The following ARL13B variants were observed in gnomAD, a reference collection of about 807,000 sequenced individuals.
The protein encoded by ARL13B is ADP-ribosylation factor-like protein 13B.
ARL13B carries 36 observed loss-of-function variants against 56.1 expected under a neutral mutation model. The ratio of observed to expected loss-of-function variants is 0.64; its 90% confidence interval spans 0.49 to 0.85. The LOEUF is 0.85. ARL13B is among the 40% of genes least tolerant of loss of function. The probability of loss-of-function intolerance (pLI) is 0.00; values close to 1 mark genes in which losing one functional copy is unlikely to be tolerated. For missense variants in ARL13B, 519 were observed against 507.1 expected (o/e 1.02, Z -0.23); for synonymous variants, 178 against 171.1 (o/e 1.04, Z -0.32).
chr3:93,998,073 A>C (rs2075996132), intron 2 of ARL13B, among the ~76,000 whole-genome samples: 1 of 152,106 alleles, frequency 6.6e-6, no homozygotes, highest in African/African-American at 2.4e-5. Flanking sequence ...ATTTAATATA[A>C]TTTTCATGTG....
chr3:94,027,346 C>CT (rs913843392), intron 3 of ARL13B, among the ~76,000 whole-genome samples: 115 of 152,012 alleles, frequency 7.6e-4, no homozygotes, highest in African/African-American at 2.7e-3. Flanking sequence ...AAGTATCTGA[C>CT]TTTTTTTGCA....
At chr3:94,021,309 G>A (rs955732058) in intron 3 of ARL13B, among the ~76,000 whole-genome samples, 3 of 151,404 alleles carry the variant, frequency 2.0e-5, no homozygotes, top group African/African-American at 4.9e-5. Context: ...ATTCTCCTGC[G>A]TCAGCCTCCC....
chr3:94,029,344 T>TTA (rs1553842128), intron 3 of ARL13B, among the ~76,000 whole-genome samples: 2 of 102,562 alleles, frequency 2.0e-5, no homozygotes, highest in African/African-American at 9.8e-5. Context: ...ATTTATTTTT[T>TTA]TTTTATTTTT....
intron 7 of ARL13B, among the ~76,000 whole-genome samples, chr3:94,045,411 C>T (rs2076964302): frequency 6.7e-6 from 1 of 150,038 alleles, no homozygotes; most frequent in African/African-American, 2.5e-5. Context: ...CCACATCCCC[C>T]TCTCCGAGAA....
chr3:94,018,825 G>A (rs1444580044), intron 3 of ARL13B, among the ~76,000 whole-genome samples: 3 of 152,158 alleles, frequency 2.0e-5, no homozygotes, highest in African/African-American at 7.2e-5. Flanking sequence ...GAGTGCAGTG[G>A]TGTGGTCTCG....
chr3:94,053,009 C>G (rs1398424671), intron 9 of ARL13B, among the ~76,000 whole-genome samples, 178 bp from the exon 10 acceptor site: 2 of 152,098 alleles, frequency 1.3e-5, no homozygotes, highest in African/African-American at 4.8e-5. Flanking sequence ...GGTGCCATCT[C>G]TTAAGATTTA....
intron 3 of ARL13B, among the ~76,000 whole-genome samples, chr3:94,013,937 ACT>A (rs1342449559): frequency 6.6e-6 from 1 of 152,064 alleles, no homozygotes; most frequent in Non-Finnish European, 1.5e-5. Flanking sequence ...ACAGAGTGAA[ACT>A]CTGTCTCAAA....
intron 3 of ARL13B, among the ~76,000 whole-genome samples, chr3:94,020,396 G>A (rs1356546056): frequency 6.6e-6 from 1 of 152,168 alleles, no homozygotes; most frequent in East Asian, 1.9e-4. Flanking sequence ...GTAGAGTTGA[G>A]ATTCAGATTC....
intron 7 of ARL13B, among the ~76,000 whole-genome samples, chr3:94,046,512 C>G (rs2076987090): frequency 6.6e-6 from 1 of 151,908 alleles, no homozygotes; most frequent in Non-Finnish European, 1.5e-5. Flanking sequence ...ATCAATAGTC[C>G]ATTCTTTTTT....
At chr3:94,048,771 T>TC (rs894922007) in intron 7 of ARL13B, among the ~76,000 whole-genome samples, 4 of 151,854 alleles carry the variant, frequency 2.6e-5, no homozygotes, top group African/African-American at 9.7e-5. Context: ...GTTTTTTTTT[T>TC]CCCCCATAGA....
At chr3:94,012,539 G>C (rs1295897327) in intron 3 of ARL13B, among the ~76,000 whole-genome samples, 4 of 152,050 alleles carry the variant, frequency 2.6e-5, no homozygotes, top group Non-Finnish European at 5.9e-5. Flanking sequence ...AGACTGCCTG[G>C]GTTCATATCC....
At chr3:94,028,795 A>G (rs2076608823) in intron 3 of ARL13B, among the ~76,000 whole-genome samples, 1 of 152,208 alleles carries the variant, frequency 6.6e-6, no homozygotes, top group Non-Finnish European at 1.5e-5. Context: ...ATGGGTTTGT[A>G]TTTAAACAAA....
chr3:93,982,249 C>T (rs1375675361), intron 1 of ARL13B, among the ~76,000 whole-genome samples: 1 of 152,092 alleles, frequency 6.6e-6, no homozygotes, highest in East Asian at 1.9e-4. Flanking sequence ...CCAAGTAGAA[C>T]AGATAATTGA....
At chr3:94,006,393 C>T (rs1333922308) in intron 3 of ARL13B, among the ~76,000 whole-genome samples, 1 of 152,088 alleles carries the variant, frequency 6.6e-6, no homozygotes, top group Admixed American at 6.5e-5. Flanking sequence ...TGAAAGTTCT[C>T]CTGTTTACCT....
intron 1 of ARL13B, among the ~76,000 whole-genome samples, chr3:93,990,294 C>T (rs1477626302): frequency 1.3e-5 from 2 of 152,088 alleles, no homozygotes; most frequent in African/African-American, 4.8e-5. Flanking sequence ...AGGCATGAGC[C>T]ACCGTGCCTG....
intron 1 of ARL13B, among the ~76,000 whole-genome samples, chr3:93,989,410 G>T (rs577970734): frequency 1.3e-5 from 2 of 152,088 alleles, no homozygotes; most frequent in African/African-American, 4.8e-5. Flanking sequence ...AAAAGTAGCC[G>T]GGGATGGTTG....
At chr3:93,995,209 T>C (rs1309322507) in intron 1 of ARL13B, among the ~76,000 whole-genome samples, 1 of 152,146 alleles carries the variant, frequency 6.6e-6, no homozygotes, top group Non-Finnish European at 1.5e-5. Context: ...CCCTACGAGT[T>C]AGGTGAATTA....
At chr3:94,030,417 T>G (rs918152692) in intron 3 of ARL13B, among the ~76,000 whole-genome samples, 1 of 134,202 alleles carries the variant, frequency 7.5e-6, no homozygotes, top group African/African-American at 2.8e-5. Flanking sequence ...TTTTTTTTAG[T>G]AAAGACAGGG....
rs1213802871 is a variant in ARL13B at position 93,992,507 on chromosome 3, G to T, written c.60-3367G>T. 4.0e-5 allele frequency among the ~76,000 whole-genome samples: 6 copies of T among 151,798 alleles called. No homozygotes were observed. The East Asian group carries it at 9.7e-4, about 24-fold the overall frequency. ...TTACCTCTCCAGTGCCTTTTTTCTT[G>T]CTAGGCTCTAAGGTTTATGAGGCCT... On this transcript the variant is annotated intron_variant, in intron 1 of 9. Transcript: ENST00000394222.
Sources: gnomAD v4.1 joint callset for allele counts (sites outside exome capture counted in the v4.1 genomes callset) on GRCh38, gnomAD v4.1.1 for gene constraint, MANE v1.5 for transcripts, NCBI Gene and HGNC (gene_info 2026-07-23, HGNC 2026-07-21) for gene names.